SMAP1: variants seen among roughly 807,000 people sequenced by gnomAD.
SMAP1 encodes small ArfGAP 1.
SMAP1 carries 24 observed loss-of-function variants against 58.5 expected under a neutral mutation model. The ratio of observed to expected loss-of-function variants is 0.41; its 90% CI spans 0.30 to 0.58. The LOEUF (loss-of-function observed/expected upper bound fraction) is 0.58. Ranked by LOEUF, SMAP1 falls within the 20% of genes least tolerant of loss-of-function variation. The probability of loss-of-function intolerance (pLI) is 0.29; values close to 1 mark genes in which losing one functional copy is unlikely to be tolerated. For synonymous variants in SMAP1, 216 were observed against 196.6 expected (o/e 1.10, Z -0.82); for missense variants, 563 against 566.3 (o/e 0.99, Z 0.06).
At chr6:70,677,432 C>CTTTTT (rs58133069) in intron 1 of SMAP1, among the ~76,000 whole-genome samples, 14 of 60,424 alleles carry the variant, frequency 2.3e-4, no homozygotes, top group South Asian at 7.4e-4. Context: ...CTTGTCACTT[C>CTTTTT]TTTTTTTTTT....
At chr6:70,796,639 G>T (rs1227195867) in intron 5 of SMAP1, among the ~76,000 whole-genome samples, 3 of 152,148 alleles carry the variant, frequency 2.0e-5, no homozygotes, top group South Asian at 2.1e-4. Flanking sequence ...CCAGTATAAA[G>T]CCCAGGCACT....
chr6:70,688,009 C>T (rs1048998374), intron 1 of SMAP1, among the ~76,000 whole-genome samples: 1 of 152,154 alleles, frequency 6.6e-6, no homozygotes, highest in Non-Finnish European at 1.5e-5. Context: ...ATCTGTTTTT[C>T]ACTTCCAAAA....
At chr6:70,690,883 T>TC (rs1767138645) in intron 1 of SMAP1, among the ~76,000 whole-genome samples, 1 of 151,920 alleles carries the variant, frequency 6.6e-6, no homozygotes, top group African/African-American at 2.4e-5. Context: ...TGTTTTTTTT[T>TC]CCCCTCAATT....
rs1187309766 is a variant in SMAP1, at chr6:70,769,200, T to G, written c.339-4150T>G. On this transcript the variant is annotated intron_variant, in intron 3 of 10. Transcript: ENST00000370455. ...GTGGTCAATTTGGGAATAGGTGTGGTGTGGTGCTGAAAAAAATGTATATTC... is the reference window on the plus strand; with the variant it reads ...GTGGTCAATTTGGGAATAGGTGTGGGGTGGTGCTGAAAAAAATGTATATTC... Among the ~76,000 whole-genome samples the G allele has an allele frequency of 7.2e-5, 11 of 152,156 alleles. No individual in the cohort carries two copies. The East Asian group carries it at 2.1e-3, about 29-fold the overall frequency.
chr6:70,715,104 T>C (rs76881945), intron 1 of SMAP1, among the ~76,000 whole-genome samples: 124 of 7,878 alleles, frequency 0.016, no homozygotes, highest in East Asian at 0.075. Flanking sequence ...TTTTTTTTCC[T>C]TTTTTTTTTT....
At chr6:70,718,929 A>C (rs2149844893) in intron 1 of SMAP1, among the ~76,000 whole-genome samples, 1 of 152,176 alleles carries the variant, frequency 6.6e-6, no homozygotes, top group East Asian at 1.9e-4. Context: ...CATCTTGACA[A>C]GTATCTAATA....
intron 8 of SMAP1, 194 bp from the exon 9 acceptor site, chr6:70,856,665 A>T: frequency 2.2e-6 from 1 of 453,054 alleles, no homozygotes; most frequent in Non-Finnish European, 3.8e-6. Flanking sequence ...GATTCAAATT[A>T]AGAAGTACTG....
chr6:70,857,905 T>C lies in SMAP1; in HGVS notation c.962-17T>C. On this transcript the variant is annotated splice_polypyrimidine_tract_variant and intron_variant, in intron 9 of 10. Coordinates refer to ENST00000370455, the MANE Select transcript of SMAP1 (RefSeq NM_001044305.3). Reference sequence around the variant, plus strand: ...CGTGATAGCTCTGTCTTCATTCATTTTCTTTTTGTGGTGCAGGTGTATTTA... The same window carrying C: ...CGTGATAGCTCTGTCTTCATTCATTCTCTTTTTGTGGTGCAGGTGTATTTA... The C allele has an allele frequency of 6.2e-7, 1 of 1,611,160 alleles. No homozygotes were observed. The highest frequency in any genetic ancestry group is 8.5e-7 in the Non-Finnish European group (1 of 1,178,180).
At chr6:70,733,056 T>A (rs1765489762) in intron 2 of SMAP1, among the ~76,000 whole-genome samples, 1 of 152,230 alleles carries the variant, frequency 6.6e-6, no homozygotes, top group African/African-American at 2.4e-5. Context: ...TGTGACAGTC[T>A]TAAATTCTCA....
intron 4 of SMAP1, among the ~76,000 whole-genome samples, chr6:70,781,901 G>A (rs911199565): frequency 3.9e-5 from 6 of 152,026 alleles, no homozygotes; most frequent in Non-Finnish European, 5.9e-5. Context: ...TTCACATATC[G>A]GTTACTTTGA....
intron 8 of SMAP1, among the ~76,000 whole-genome samples, chr6:70,856,123 A>ATT (rs1771411087): frequency 6.6e-6 from 1 of 152,254 alleles, no homozygotes; most frequent in Non-Finnish European, 1.5e-5. Context: ...ACAAGTCCAT[A>ATT]TAACATGTGA....
chr6:70,769,510 C>T (rs544119882), intron 3 of SMAP1, among the ~76,000 whole-genome samples: 2,027 of 152,160 alleles, frequency 0.013, 53 homozygotes, highest in African/African-American at 0.046. Flanking sequence ...TATGTAATGG[C>T]CTTCTTTGTC....
intron 10 of SMAP1, 68 bp downstream of exon 10, chr6:70,858,297 T>A: frequency 4.7e-5 from 57 of 1,221,092 alleles, no homozygotes; most frequent in Non-Finnish European, 5.9e-5. Context: ...CTTTTTTTTT[T>A]TTTTTTTTTT....
intron 6 of SMAP1, among the ~76,000 whole-genome samples, chr6:70,820,335 TA>T (rs1277895043): frequency 6.6e-6 from 1 of 152,118 alleles, no homozygotes. Context: ...GCTTTTTAAT[TA>T]AAAAAGAAAA....
At chr6:70,722,608 T>C (rs1433391881) in intron 1 of SMAP1, among the ~76,000 whole-genome samples, 1 of 152,224 alleles carries the variant, frequency 6.6e-6, no homozygotes, top group African/African-American at 2.4e-5. Context: ...CCTTCAGAGC[T>C]GAGAGCCCCA....
intron 4 of SMAP1, among the ~76,000 whole-genome samples, chr6:70,782,908 G>A (rs1365011581): frequency 1.3e-5 from 2 of 152,110 alleles, no homozygotes; most frequent in Non-Finnish European, 2.9e-5. Context: ...GGTGATTTCT[G>A]CATTTCCATC....
chr6:70,758,367 T>G, intron 3 of SMAP1, among the ~76,000 whole-genome samples: 1 of 95,448 alleles, frequency 1.0e-5, no homozygotes, highest in African/African-American at 4.2e-5. Context: ...CTGGGGACTG[T>G]GGTGGGGTGG....
At chr6:70,742,136 A>G (rs1447770960) in intron 2 of SMAP1, among the ~76,000 whole-genome samples, 1 of 152,206 alleles carries the variant, frequency 6.6e-6, no homozygotes, top group Non-Finnish European at 1.5e-5. Context: ...TTGTTAATTA[A>G]CATTTGACTC....
chr6:70,827,088 A>C (rs1582266617), intron 6 of SMAP1, among the ~76,000 whole-genome samples: 2 of 152,248 alleles, frequency 1.3e-5, no homozygotes, highest in East Asian at 3.9e-4. Flanking sequence ...AGTAAGGTAG[A>C]TTATGAACCG....
Sources: gnomAD v4.1 joint callset for allele counts (sites outside exome capture counted in the v4.1 genomes callset) on GRCh38, gnomAD v4.1.1 for gene constraint, MANE v1.5 for transcripts, NCBI Gene and HGNC (gene_info 2026-07-23, HGNC 2026-07-21) for gene names.